The following CUX1 variants were observed in gnomAD, a reference collection of about 807,000 sequenced individuals.
CUX1 encodes protein CASP.
Under a neutral mutation model 158.8 loss-of-function variants are expected in CUX1, and 31 were observed. The observed-to-expected ratio is 0.20, with a 90% CI of 0.15 to 0.26. The LOEUF (loss-of-function observed/expected upper bound fraction) is 0.26. CUX1 is among the 10% of genes least tolerant of loss of function. CUX1 has a pLI of 1.00. For missense variants in CUX1, 1,589 were observed against 2,014.6 expected (o/e 0.79, Z 4.04); for synonymous variants, 879 against 862.1 (o/e 1.02, Z -0.34).
chr7:102,239,367 G>A lies in CUX1; in HGVS notation c.3670G>A (p.Glu1224Lys). The A allele has an allele frequency of 6.2e-7, 1 of 1,612,414 alleles. No individual in the cohort carries two copies. Among genetic ancestry groups the A allele is most frequent in the Non-Finnish European group, 8.5e-7 (1 of 1,179,546 alleles). The change falls in exon 23 of 24, where the codon GAA becomes AAA. Residue 1224 changes from glutamate (E) to lysine (K), a missense_variant. By Grantham distance (56) the Glu-to-Lys change is moderately conservative. This residue lies in a region of CUX1 where 259 missense variants were observed against 373.8 expected (regional missense o/e 0.69). Transcript: ENST00000292535. ...CTCAGTCAGTGACAGCCAGCCCTGCGAACCGCCCTCTGTCGGCACCGAGTA... is the reference window on the plus strand; with the variant it reads ...CTCAGTCAGTGACAGCCAGCCCTGCAAACCGCCCTCTGTCGGCACCGAGTA... ...HSSVSDSQPC[E>K]PPSVGTEYSQ...
rs1288192824 is a variant in CUX1 at position 102,209,342 on chromosome 7, G to A, written c.3130+4172G>A. ...AAGAATCCGAGCATGGGGGTGACGG[G>A]CTTGGGCATTAAGGAAATTTGATGC... On this transcript the variant is annotated intron_variant, in intron 20 of 23. Transcript: ENST00000292535. Among the ~76,000 whole-genome samples the A allele has an allele frequency of 3.3e-5, 5 of 152,188 alleles. No homozygotes were observed. The East Asian group carries it at 9.6e-4, about 29-fold the overall frequency.
intron 3 of CUX1, among the ~76,000 whole-genome samples, chr7:102,038,361 C>T (rs1178725970): frequency 6.6e-6 from 1 of 152,072 alleles, no homozygotes; most frequent in Non-Finnish European, 1.5e-5. Flanking sequence ...AAAATGCTCG[C>T]ATGTCAATGG....
chr7:101,984,300 A>G (rs1475820531), intron 2 of CUX1, among the ~76,000 whole-genome samples: 3 of 149,666 alleles, frequency 2.0e-5, no homozygotes, highest in Admixed American at 6.7e-5. Flanking sequence ...TGTGCCTCCT[A>G]TGGATGGGAC....
intron 8 of CUX1, among the ~76,000 whole-genome samples, chr7:102,131,873 T>C (rs1833281343): frequency 6.6e-6 from 1 of 151,956 alleles, no homozygotes; most frequent in Non-Finnish European, 1.5e-5. Flanking sequence ...GGTTTCACCA[T>C]GTTGGCTAGG....
At chr7:102,054,890 C>A (rs1270631452) in intron 3 of CUX1, among the ~76,000 whole-genome samples, 3 of 151,882 alleles carry the variant, frequency 2.0e-5, no homozygotes, top group Non-Finnish European at 4.4e-5. Flanking sequence ...AGGATCACTT[C>A]AGCCTGGGAA....
At chr7:101,877,756 T>TTGTGTGTGTGTG (rs112494807) in intron 1 of CUX1, among the ~76,000 whole-genome samples, 1 of 148,830 alleles carries the variant, frequency 6.7e-6, no homozygotes, top group Non-Finnish European at 1.5e-5. Flanking sequence ...ATCCCTCCAA[T>TTGTGTGTGTGTG]TGTGTGTGTG....
At chr7:101,965,820 G>C (rs1247939884) in intron 2 of CUX1, among the ~76,000 whole-genome samples, 1 of 118,078 alleles carries the variant, frequency 8.5e-6, no homozygotes, top group Non-Finnish European at 1.6e-5. Context: ...CTGCAGTCCA[G>C]CCTGGGCAAC....
At chr7:102,080,325 T>C (rs554983463) in intron 4 of CUX1, among the ~76,000 whole-genome samples, 3 of 152,296 alleles carry the variant, frequency 2.0e-5, no homozygotes, top group African/African-American at 7.2e-5. Context: ...TAGACAGCTT[T>C]TCATCAGTCG....
intron 1 of CUX1, among the ~76,000 whole-genome samples, chr7:101,904,342 T>C (rs1235115584): frequency 6.6e-6 from 1 of 152,122 alleles, no homozygotes; most frequent in South Asian, 2.1e-4. Context: ...AGAAATTTTG[T>C]CTCCGCCTCT....
At chr7:102,143,092 G>A (rs1834638277) in intron 8 of CUX1, among the ~76,000 whole-genome samples, 1 of 152,152 alleles carries the variant, frequency 6.6e-6, no homozygotes, top group Non-Finnish European at 1.5e-5. Context: ...TGGCCAGGGG[G>A]CTCAATGGAT....
At chr7:102,203,828 ACTCCCAGGCCGG>A (rs1795691146) in intron 18 of CUX1, among the ~76,000 whole-genome samples, 1 of 151,688 alleles carries the variant, frequency 6.6e-6, no homozygotes, top group Admixed American at 6.6e-5. Flanking sequence ...GCGGAATGTC[ACTCCCAGGCCGG>A]CTCCCCAGGT....
At chr7:102,148,651 T>C (rs1554502728) in intron 8 of CUX1, among the ~76,000 whole-genome samples, 1 of 148,980 alleles carries the variant, frequency 6.7e-6, no homozygotes, top group East Asian at 1.9e-4. Flanking sequence ...AATGTATATA[T>C]ATAATGTATT....
At chr7:102,027,998 T>C in intron 2 of CUX1, 100 bp from the exon 3 acceptor site, 3 of 1,249,310 alleles carry the variant, frequency 2.4e-6, no homozygotes, top group Non-Finnish European at 3.5e-6. Context: ...TAGTGATAAT[T>C]AGCACTGACT....
chr7:102,105,568 A>G (rs1830260857), intron 6 of CUX1, among the ~76,000 whole-genome samples: 1 of 135,604 alleles, frequency 7.4e-6, no homozygotes, highest in South Asian at 2.3e-4. Context: ...GCTGGAGTGC[A>G]ATGGCGCAAT....
Position 101,843,822 on chromosome 7 carries a change from T to C in CUX1, c.30+26153T>C, listed in dbSNP as rs139981690. Among the ~76,000 whole-genome samples the C allele has an allele frequency of 2.9e-3, 447 of 152,300 alleles. 2 individuals carry two copies. Among genetic ancestry groups the C allele is most frequent in the African/African-American group, 9.6e-3 (400 of 41,562 alleles). ...ATCAGCGTCACCAGGTATTAGACTT[T>C]CAGTATTAATGTTCTCTCCTTGCTA... On this transcript the variant is annotated intron_variant, in intron 1 of 23. Transcript: ENST00000292535.
At chr7:102,259,811 C>T (rs1790257358), downstream of CUX1, among the ~76,000 whole-genome samples, 1 of 150,628 alleles carries the variant, frequency 6.6e-6, no homozygotes, top group Non-Finnish European at 1.5e-5. Context: ...CAGTTGGGCA[C>T]AGTGGCTCAT....
intron 1 of CUX1, among the ~76,000 whole-genome samples, chr7:101,864,436 A>T (rs977038780): frequency 3.3e-5 from 5 of 152,138 alleles, no homozygotes; most frequent in Non-Finnish European, 5.9e-5. Context: ...TGCTGGGGTT[A>T]TAGGGGTGAG....
At position 102,207,559 on chromosome 7, in the gene CUX1, C is replaced by G. The variant is rs188182198; in HGVS notation, c.3130+2389C>G. On this transcript the variant is annotated intron_variant, in intron 20 of 23. Coordinates refer to ENST00000292535, the MANE Select transcript of CUX1 (RefSeq NM_181552.4). ...TCCACCCCCCCAGGTTCAAGTGATT[C>G]TCCTGCCTCAGCCTCCTGAGTAGCT... Among the ~76,000 whole-genome samples the G allele has an allele frequency of 2.6e-5, 4 of 152,056 alleles. No homozygotes were observed. The East Asian group carries it at 5.8e-4, about 22-fold the overall frequency.
chr7:101,906,965 G>A lies in CUX1; in HGVS notation c.31-9150G>A, dbSNP rs1390216190. On this transcript the variant is annotated intron_variant, in intron 1 of 23. Coordinates refer to ENST00000292535, the MANE Select transcript of CUX1 (RefSeq NM_181552.4). ...TGTGGAAACCCTGGCTTCCTGGTTCGAGATGCCCCCTCTGGCCCACGTGTC... is the reference window on the plus strand; with the variant it reads ...TGTGGAAACCCTGGCTTCCTGGTTCAAGATGCCCCCTCTGGCCCACGTGTC... Among the ~76,000 whole-genome samples the A allele has an allele frequency of 2.6e-5, 4 of 152,188 alleles. No homozygotes were observed. The South Asian group carries it at 6.2e-4, about 24-fold the overall frequency.
Sources: allele counts gnomAD v4.1 joint callset (sites outside exome capture counted in the v4.1 genomes callset), GRCh38; gene constraint gnomAD v4.1.1; regional missense constraint gnomAD v4.1.1; transcripts MANE v1.5; gene names NCBI Gene and HGNC (gene_info 2026-07-23, HGNC 2026-07-21).